The following NFASC variants were observed in gnomAD, a reference collection of about 807,000 sequenced individuals.
NFASC encodes neurofascin homolog.
A neutral mutation model predicts 147.5 loss-of-function variants in NFASC; 43 were observed. The observed-to-expected ratio is 0.29, with a 90% CI of 0.23 to 0.38. NFASC has a LOEUF of 0.38. NFASC is among the 10% of genes least tolerant of loss of function. The pLI, the probability that NFASC is intolerant of heterozygous loss-of-function variation, is 1.00. For missense variants in NFASC, 1,320 were observed against 1,689.0 expected (o/e 0.78, Z 3.83); for synonymous variants, 622 against 665.5 (o/e 0.93, Z 1.01).
intron 28 of NFASC, among the ~76,000 whole-genome samples, chr1:205,012,176 A>G (rs373356856): frequency 6.6e-6 from 1 of 152,260 alleles, no homozygotes; most frequent in East Asian, 1.9e-4. Context: ...GCTGACACCG[A>G]AAGAATGAGC....
At position 205,017,861 on chromosome 1, in the gene NFASC, C is replaced by A. The variant is rs946262377; in HGVS notation, c.*1322C>A. 12 of 152,712 alleles carry A rather than the reference C, an allele frequency of 7.9e-5. No individual in the cohort carries two copies. The highest frequency in any genetic ancestry group is 1.4e-4 in the African/African-American group (6 of 41,454). 9.5% of individuals were successfully genotyped at this position (152,712 alleles called of 1,614,324 possible). ...GCCCCCACCTAGGGAGGACTCAATG[C>A]TCTTTGTATGCCTTATGCAGCGCTG... On this transcript the variant is annotated 3_prime_UTR_variant, in exon 30 of 30. Coordinates refer to ENST00000339876, the MANE Select transcript of NFASC (RefSeq NM_001005388.3).
rs904986696 is a variant in NFASC, at chr1:204,828,677, T to C, written c.-305T>C. On this transcript the variant is annotated 5_prime_UTR_variant, in exon 1 of 30. The change abolishes an upstream ATG in the 5' untranslated region. Transcript: ENST00000339876. ...GCGCACGGGCTGGTCTCTGCCCTAATGCGGCGGCTGGCGGCGAGAGGCGCT... is the reference window on the plus strand; with the variant it reads ...GCGCACGGGCTGGTCTCTGCCCTAACGCGGCGGCTGGCGGCGAGAGGCGCT... 1.4e-4 allele frequency: 133 copies of C among 985,078 alleles called. No individual in the cohort carries two copies. In the African/African-American group the frequency reaches 2.1e-3, roughly 16 times the overall value. The allele number at this position is 985,078 out of a possible 1,614,324, so 61.0% of individuals were successfully genotyped here. A position where few individuals can be genotyped will look rare whatever the true frequency, so the allele number is the denominator to read the frequency against.
At chr1:204,969,432 C>A (rs183674380) in intron 10 of NFASC, among the ~76,000 whole-genome samples, 196 of 152,296 alleles carry the variant, frequency 1.3e-3, no homozygotes, top group Non-Finnish European at 2.3e-3. Context: ...TTCCTTCCCC[C>A]CAAAGCAAAG....
chr1:204,914,556 G>A (rs753701019), intron 1 of NFASC, among the ~76,000 whole-genome samples: 3 of 152,202 alleles, frequency 2.0e-5, no homozygotes, highest in Non-Finnish European at 4.4e-5. Flanking sequence ...GTCTTGGGCA[G>A]TTCTTTATGG....
intron 1 of NFASC, among the ~76,000 whole-genome samples, chr1:204,901,461 G>A (rs2084560856): frequency 6.6e-6 from 1 of 152,176 alleles, no homozygotes; most frequent in African/African-American, 2.4e-5. Context: ...GTGCTCGCTT[G>A]TGTTAAATCA....
chr1:205,002,020 C>A (rs2095998969), intron 26 of NFASC, among the ~76,000 whole-genome samples: 1 of 152,232 alleles, frequency 6.6e-6, no homozygotes, highest in African/African-American at 2.4e-5. Flanking sequence ...GAGTTCACAT[C>A]CACAGCACCT....
chr1:204,914,652 G>T (rs1017027585), intron 1 of NFASC, among the ~76,000 whole-genome samples: 1 of 152,168 alleles, frequency 6.6e-6, no homozygotes, highest in African/African-American at 2.4e-5. Flanking sequence ...GCCAATTTCT[G>T]TGTATCACAT....
At chr1:204,901,933 G>A (rs2084708253) in intron 1 of NFASC, among the ~76,000 whole-genome samples, 1 of 152,136 alleles carries the variant, frequency 6.6e-6, no homozygotes, top group Non-Finnish European at 1.5e-5. Context: ...ACCTGTGCAG[G>A]TTCTGTTTTG....
intron 5 of NFASC, among the ~76,000 whole-genome samples, chr1:204,953,721 A>G (rs1212218924): frequency 6.6e-6 from 1 of 152,240 alleles, no homozygotes; most frequent in African/African-American, 2.4e-5. Flanking sequence ...TTAAGGTGGC[A>G]GGAGGAGCAG....
intron 8 of NFASC, among the ~76,000 whole-genome samples, chr1:204,963,835 C>T (rs1181562748): frequency 6.6e-6 from 1 of 152,210 alleles, no homozygotes; most frequent in African/African-American, 2.4e-5. Context: ...GGAGTGCAGG[C>T]ATCTGGACAG....
chr1:205,000,637 C>T (rs1283269932), intron 25 of NFASC: 2 of 168,300 alleles, frequency 1.2e-5, no homozygotes, highest in South Asian at 1.4e-4. Flanking sequence ...CAGGTTAAAG[C>T]CTCAAATGGC....
At chr1:204,999,732 C>A (rs1451447713) in intron 25 of NFASC, 1 of 152,222 alleles carries the variant, frequency 6.6e-6, no homozygotes, top group East Asian at 1.9e-4. Context: ...GAAGGCACCT[C>A]TTTGAAGTGA....
At position 204,975,424 on chromosome 1, in the gene NFASC, T is replaced by C. The variant is rs1278635531; in HGVS notation, c.1706+6T>C. On this transcript the variant is annotated splice_donor_region_variant and intron_variant, in intron 15 of 29. Transcript: ENST00000339876. The surrounding 1 kb of genome is among the most constrained non-coding windows in gnomAD (Gnocchi z 4.0). The stretch of plus-strand genomic sequence containing the variant: ...CCGCTCTATATTGGAAACAGGTTTC[T>C]CTTCCCCCTTCCCCCTTCCTAGTGC... The C allele has an allele frequency of 6.2e-7, 1 of 1,606,976 alleles. No individual in the cohort carries two copies. Among genetic ancestry groups the C allele is most frequent in the Non-Finnish European group, 8.5e-7 (1 of 1,174,140 alleles).
At chr1:204,889,207 TA>T in intron 1 of NFASC, among the ~76,000 whole-genome samples, 1 of 152,216 alleles carries the variant, frequency 6.6e-6, no homozygotes, top group Non-Finnish European at 1.5e-5. Context: ...TAAGGAAACT[TA>T]AAATGATACA....
intron 8 of NFASC, chr1:204,962,204 C>T: frequency 6.6e-7 from 1 of 1,513,920 alleles, no homozygotes; most frequent in Non-Finnish European, 9.2e-7. Context: ...CTGTGCTAAC[C>T]CCAGTTTGCC....
intron 1 of NFASC, among the ~76,000 whole-genome samples, chr1:204,879,142 C>T (rs1186123734): frequency 1.3e-5 from 2 of 152,200 alleles, no homozygotes; most frequent in African/African-American, 4.8e-5. Flanking sequence ...ATTTAATGAA[C>T]ATTTTTATTT....
intron 2 of NFASC, among the ~76,000 whole-genome samples, chr1:204,942,211 G>C (rs1573445728): frequency 6.6e-6 from 1 of 152,216 alleles, no homozygotes; most frequent in Non-Finnish European, 1.5e-5. Context: ...GGGAAGTAAA[G>C]GGTGTGCAGG....
chr1:204,946,961 C>A (rs755623013), intron 3 of NFASC: 4 of 362,296 alleles, frequency 1.1e-5, no homozygotes, highest in Middle Eastern at 9.8e-4. Flanking sequence ...GCATCTGAAG[C>A]CCACAAGAAA....
At chr1:204,833,465 G>A (rs1199785413) in intron 1 of NFASC, among the ~76,000 whole-genome samples, 7 of 65,752 alleles carry the variant, frequency 1.1e-4, no homozygotes, top group South Asian at 6.8e-4. Flanking sequence ...CCCCCTCCCC[G>A]CCTCCAACCC....
Sources: allele counts gnomAD v4.1 joint callset (sites outside exome capture counted in the v4.1 genomes callset), GRCh38; gene constraint gnomAD v4.1.1; non-coding constraint Gnocchi (gnomAD v3.1); transcripts MANE v1.5; gene names NCBI Gene and HGNC (gene_info 2026-07-23, HGNC 2026-07-21).